Variants in KLF13 observed in about 807,000 individuals in gnomAD.
KLF13 encodes the protein Krueppel-like factor 13.
In KLF13, 8 loss-of-function variants were observed where a neutral mutation model predicts 16.7. The ratio of observed to expected loss-of-function variants is 0.48; its 90% CI spans 0.28 to 0.87. KLF13 has a LOEUF of 0.87. Among genes scored for constraint, KLF13 ranks in the 40% least tolerant of loss-of-function variants. The probability of loss-of-function intolerance (pLI) is 0.10; values close to 1 mark genes in which losing one functional copy is unlikely to be tolerated. For missense variants in KLF13, 447 were observed against 452.2 expected (o/e 0.99, Z 0.10); for synonymous variants, 245 against 208.4 (o/e 1.18, Z -1.51).
At chr15:31,430,147 T>A (rs142805016) in intron 1 of KLF13, among the ~76,000 whole-genome samples, 185 of 152,282 alleles carry the variant, frequency 1.2e-3, no homozygotes, top group African/African-American at 4.1e-3. Flanking sequence ...ATAATTTTGA[T>A]TCATTAGAAT....
At chr15:31,391,402 T>C (rs2039864968), upstream of KLF13, among the ~76,000 whole-genome samples, 1 of 57,890 alleles carries the variant, frequency 1.7e-5, no homozygotes, top group Non-Finnish European at 3.3e-5. Flanking sequence ...TGTGGGGCTG[T>C]AGGGCTGTGG....
chr15:31,378,218 C>T (rs2039680152), downstream of KLF13, among the ~76,000 whole-genome samples: 1 of 152,198 alleles, frequency 6.6e-6, no homozygotes, highest in African/African-American at 2.4e-5. Context: ...ACCTTTCCCT[C>T]AAAGTCCCCC....
chr15:31,337,000 G>A (rs1303707281), intron 1 of KLF13, among the ~76,000 whole-genome samples: 2 of 152,224 alleles, frequency 1.3e-5, no homozygotes, highest in Non-Finnish European at 2.9e-5. Flanking sequence ...CACAGTCTGA[G>A]CATTTGGCAG....
chr15:31,375,154 C>G lies in KLF13; in HGVS notation c.*2855C>G, dbSNP rs984025060. On this transcript the variant is annotated 3_prime_UTR_variant, in exon 2 of 2. Transcript: ENST00000307145. ...TGGCCAGACCCTCCTGAATCATCTG[C>G]GGCTTAAACTCATCTCGCTTGAAGG... The G allele has an allele frequency of 6.6e-6, 1 of 152,352 alleles. No individual in the cohort carries two copies. The highest frequency in any genetic ancestry group is 6.5e-5 in the Admixed American group (1 of 15,270). The allele number at this position is 152,352 out of a possible 1,614,324, so 9.4% of individuals were successfully genotyped here.
chr15:31,350,400 A>G (rs1400052939), intron 1 of KLF13, among the ~76,000 whole-genome samples: 1 of 152,254 alleles, frequency 6.6e-6, no homozygotes, highest in African/African-American at 2.4e-5. Flanking sequence ...TCAGCTGAGC[A>G]GGTGGACACC....
intron 1 of KLF13, among the ~76,000 whole-genome samples, chr15:31,331,916 C>G (rs533082705): frequency 6.6e-6 from 1 of 152,212 alleles, no homozygotes; most frequent in Non-Finnish European, 1.5e-5. Context: ...TCACTGCTGG[C>G]ATTTTGTTCC....
intron 1 of KLF13, among the ~76,000 whole-genome samples, chr15:31,360,045 C>G (rs1381667771): frequency 3.3e-5 from 5 of 152,194 alleles, no homozygotes; most frequent in Non-Finnish European, 5.9e-5. Flanking sequence ...AGCCTCAGGT[C>G]TTGGAGTCCC....
At chr15:31,381,932 C>A (rs921912047), downstream of KLF13, among the ~76,000 whole-genome samples, 3 of 152,200 alleles carry the variant, frequency 2.0e-5, no homozygotes, top group African/African-American at 4.8e-5. Context: ...CCGTGCCAGA[C>A]GCAGCTGGGC....
At chr15:31,387,557 T>A (rs905923519) in intron 1 of KLF13, among the ~76,000 whole-genome samples, 1 of 152,240 alleles carries the variant, frequency 6.6e-6, no homozygotes, top group Non-Finnish European at 1.5e-5. Flanking sequence ...TATTGTGATA[T>A]TTGCTTTATT....
chr15:31,329,117 C>T (rs1202572796), intron 1 of KLF13, among the ~76,000 whole-genome samples: 1 of 151,964 alleles, frequency 6.6e-6, no homozygotes, highest in South Asian at 2.1e-4. Flanking sequence ...TTTGTGGCCG[C>T]TCCAAACCAC....
At position 31,364,412 on chromosome 15, in the gene KLF13, G is replaced by A. The variant is rs547190159; in HGVS notation, c.578-7598G>A. ...ATGTGAAGAGTGGATAGTAGTGTGTGATCAGCGGCACTAGACCAGAGCGCC... is the reference window on the plus strand; with the variant it reads ...ATGTGAAGAGTGGATAGTAGTGTGTAATCAGCGGCACTAGACCAGAGCGCC... On this transcript the variant is annotated intron_variant, in intron 1 of 1. Transcript: ENST00000307145. 1.9e-3 allele frequency among the ~76,000 whole-genome samples: 284 copies of A among 152,346 alleles called. 2 individuals carry two copies. The highest frequency in any genetic ancestry group is 0.01 in the Middle Eastern group (3 of 294).
chr15:31,414,719 G>A (rs1318103620), intron 1 of KLF13, among the ~76,000 whole-genome samples: 1 of 152,012 alleles, frequency 6.6e-6, no homozygotes, highest in East Asian at 1.9e-4. Context: ...ACCAATACAT[G>A]GAAAAAACTG....
Position 31,420,740 on chromosome 15 carries a change from T to C in KLF13, n.118-14630T>C, listed in dbSNP as rs574456835. ...TGGAGTCTTGCTCTGTTGCCCAGGC[T>C]GGAGTGCAGTGGTGAGATCTCAGCT... is the stretch of plus-strand genomic sequence containing the variant. On this transcript the variant is annotated intron_variant and non_coding_transcript_variant, in intron 1 of 1. Coordinates refer to the KLF13 transcript ENST00000558225. 10 of 249,822 alleles carry C rather than the reference T, an allele frequency of 4.0e-5. No homozygotes were observed. The East Asian group carries it at 1.0e-3, about 25-fold the overall frequency. 15.5% of individuals were successfully genotyped at this position (249,822 alleles called of 1,614,324 possible).
intron 1 of KLF13, among the ~76,000 whole-genome samples, chr15:31,336,150 G>A (rs1019830345): frequency 6.6e-6 from 1 of 152,264 alleles, no homozygotes. Context: ...CGAGTGGTCA[G>A]GGCCCTGGGT....
In KLF13 at chr15:31,327,224, C is replaced by G; in HGVS notation, c.12C>G (p.Ala4=). 7.3e-7 allele frequency: 1 copy of G among 1,366,190 alleles called. No individual in the cohort carries two copies. Among genetic ancestry groups the G allele is most frequent in the Non-Finnish European group, 9.4e-7 (1 of 1,058,584 alleles). The allele number at this position is 1,366,190 out of a possible 1,614,324, so 84.6% of individuals were successfully genotyped here. The change falls in exon 1 of 2, where the codon GCC becomes GCG. Residue 4 remains alanine (A), a synonymous_variant. Transcript: ENST00000307145. ...CCCCAGCCCGCAGCATGGCAGCCGC[C>G]GCCTATGTGGACCACTTCGCCGCCG... MAA[A]AYVDHFAAEC...
chr15:31,371,833 G>A (rs1387122210), intron 1 of KLF13, among the ~76,000 whole-genome samples, 177 bp from the exon 2 acceptor site: 1 of 152,246 alleles, frequency 6.6e-6, no homozygotes, highest in Non-Finnish European at 1.5e-5. Flanking sequence ...GTGGGCGGGA[G>A]GGCAGGGGCC....
downstream of KLF13, among the ~76,000 whole-genome samples, chr15:31,381,902 C>T (rs912442432): frequency 1.3e-5 from 2 of 152,194 alleles, no homozygotes; most frequent in Non-Finnish European, 2.9e-5. Context: ...TTGCTCAGGG[C>T]GGAGAAAGGT....
At chr15:31,410,039 A>G (rs185214358) in intron 1 of KLF13, among the ~76,000 whole-genome samples, 2 of 152,200 alleles carry the variant, frequency 1.3e-5, no homozygotes, top group Non-Finnish European at 2.9e-5. Flanking sequence ...CAAGCAAACT[A>G]TAAGATCAGT....
chr15:31,401,623 G>A (rs558579299), intron 2 of KLF13, among the ~76,000 whole-genome samples: 41 of 152,314 alleles, frequency 2.7e-4, no homozygotes, highest in African/African-American at 9.4e-4. Flanking sequence ...GTCCCTTCAT[G>A]TGGGAATTTG....
Sources: gnomAD v4.1 joint callset for allele counts (sites outside exome capture counted in the v4.1 genomes callset) on GRCh38, gnomAD v4.1.1 for gene constraint, MANE v1.5 for transcripts, NCBI Gene and HGNC (gene_info 2026-07-23, HGNC 2026-07-21) for gene names.